Variants in NCAM2 observed in about 807,000 individuals in gnomAD.
NCAM2 encodes the protein neural cell adhesion molecule 2.
A neutral mutation model predicts 98.1 loss-of-function variants in NCAM2; 30 were observed. That is an observed-to-expected ratio of 0.31 (90% CI 0.23 to 0.41). The LOEUF is 0.41. NCAM2 is among the 10% of genes least tolerant of loss of function. NCAM2 has a pLI of 1.00. For missense variants in NCAM2, 867 were observed against 1,005.8 expected (o/e 0.86, Z 1.87); for synonymous variants, 368 against 342.4 (o/e 1.07, Z -0.83).
intron 12 of NCAM2, among the ~76,000 whole-genome samples, chr21:21,444,902 C>G (rs1368379547): frequency 6.6e-6 from 1 of 152,086 alleles, no homozygotes; most frequent in Non-Finnish European, 1.5e-5. Flanking sequence ...TCTTGCTTCT[C>G]TAGCTCTTTT....
At chr21:21,182,252 T>G (rs1351180689) in intron 1 of NCAM2, among the ~76,000 whole-genome samples, 1 of 152,162 alleles carries the variant, frequency 6.6e-6, no homozygotes, top group Non-Finnish European at 1.5e-5. Context: ...AGAGTATTAT[T>G]TAGTAACTTT....
chr21:21,105,578 C>CA (rs764443996), intron 1 of NCAM2, among the ~76,000 whole-genome samples: 16 of 150,966 alleles, frequency 1.1e-4, no homozygotes, highest in East Asian at 7.8e-4. Context: ...TTACTAATGG[C>CA]AAAAAAAATG....
At chr21:21,322,300 A>G (rs143985961) in intron 5 of NCAM2, among the ~76,000 whole-genome samples, 25 of 152,258 alleles carry the variant, frequency 1.6e-4, no homozygotes, top group African/African-American at 6.0e-4. Context: ...GAGGACTACT[A>G]GAGAAGGGAA....
chr21:21,514,472 C>CAA (rs56710788), intron 16 of NCAM2, among the ~76,000 whole-genome samples: 5 of 127,730 alleles, frequency 3.9e-5, no homozygotes, highest in African/African-American at 1.2e-4. Flanking sequence ...TCTCAAAAAA[C>CAA]AAAAAAAAAA....
chr21:21,338,309 T>G, intron 7 of NCAM2, 80 bp from the exon 8 acceptor site: 1 of 1,326,856 alleles, frequency 7.5e-7, no homozygotes, highest in Non-Finnish European at 1.1e-6. Context: ...TATAGTAGAC[T>G]TAAACACCCA....
chr21:21,088,010 T>C (rs1226345161), intron 1 of NCAM2, among the ~76,000 whole-genome samples: 1 of 152,180 alleles, frequency 6.6e-6, no homozygotes, highest in Non-Finnish European at 1.5e-5. Flanking sequence ...CACCTTGAAA[T>C]AAATATTTTC....
At chr21:21,444,113 C>G (rs1979727365) in intron 12 of NCAM2, among the ~76,000 whole-genome samples, 1 of 152,008 alleles carries the variant, frequency 6.6e-6, no homozygotes, top group Admixed American at 6.6e-5. Context: ...GTCAATGGTT[C>G]TGCTTATGTG....
At chr21:21,210,967 AACACAC>A (rs71195310) in intron 1 of NCAM2, among the ~76,000 whole-genome samples, 1,580 of 127,320 alleles carry the variant, frequency 0.012, 37 homozygotes, top group African/African-American at 0.046. Context: ...ACTCTCCCCA[AACACAC>A]ACACACACAC....
intron 1 of NCAM2, among the ~76,000 whole-genome samples, chr21:21,022,150 A>G (rs1466631642): frequency 3.3e-5 from 5 of 152,032 alleles, no homozygotes; most frequent in African/African-American, 1.2e-4. Context: ...GTGCCCTTTT[A>G]TCTAATTAGA....
Position 21,520,100 on chromosome 21 carries a change from T to C in NCAM2, c.2282+11045T>C, listed in dbSNP as rs551423928. On this transcript the variant is annotated intron_variant, in intron 16 of 17. Coordinates refer to ENST00000400546, the MANE Select transcript of NCAM2 (RefSeq NM_004540.5). ...GACTAATAATACTTTTTAATCAAAT[T>C]ATCTTTTTACTGTTATTTACTCAAG... 2.0e-4 allele frequency among the ~76,000 whole-genome samples: 30 copies of C among 152,190 alleles called. No homozygotes were observed. The South Asian group carries it at 6.0e-3, about 30-fold the overall frequency.
At chr21:21,496,415 T>G (rs544603026) in intron 15 of NCAM2, among the ~76,000 whole-genome samples, 102 of 152,248 alleles carry the variant, frequency 6.7e-4, no homozygotes, top group Non-Finnish European at 1.3e-3. Context: ...TATATCTTCT[T>G]TTTGAGAAGC....
chr21:21,161,217 A>T (rs1176781724), intron 1 of NCAM2, among the ~76,000 whole-genome samples: 1 of 152,054 alleles, frequency 6.6e-6, no homozygotes, highest in Non-Finnish European at 1.5e-5. Context: ...TTAAGACAGA[A>T]TGAAGATTAG....
At chr21:21,118,848 C>T (rs1193183452) in intron 1 of NCAM2, among the ~76,000 whole-genome samples, 1 of 152,068 alleles carries the variant, frequency 6.6e-6, no homozygotes, top group African/African-American at 2.4e-5. Flanking sequence ...GAAGATAAAC[C>T]TCCCTCTCCC....
At chr21:21,498,161 T>C (rs1332769376) in intron 15 of NCAM2, among the ~76,000 whole-genome samples, 1 of 152,162 alleles carries the variant, frequency 6.6e-6, no homozygotes, top group Non-Finnish European at 1.5e-5. Flanking sequence ...TTGTGTGTGA[T>C]TCTAAAAATT....
At chr21:21,038,098 T>TAA (rs2064833616) in intron 1 of NCAM2, among the ~76,000 whole-genome samples, 1 of 146,660 alleles carries the variant, frequency 6.8e-6, no homozygotes, top group Admixed American at 7.1e-5. Flanking sequence ...TTACCTTGAG[T>TAA]TGCTTCTGTT....
intron 12 of NCAM2, among the ~76,000 whole-genome samples, chr21:21,449,653 T>A (rs1418138968): frequency 6.6e-6 from 1 of 152,060 alleles, no homozygotes; most frequent in Non-Finnish European, 1.5e-5. Context: ...AACTACTTAC[T>A]ATAAACATTA....
intron 1 of NCAM2, among the ~76,000 whole-genome samples, chr21:21,023,015 A>G (rs1026298006): frequency 2.0e-5 from 3 of 152,228 alleles, no homozygotes; most frequent in Non-Finnish European, 4.4e-5. Flanking sequence ...GTGAAAATAC[A>G]TATATGGTCA....
At chr21:21,414,185 TC>T (rs2076941145) in intron 10 of NCAM2, among the ~76,000 whole-genome samples, 1 of 152,162 alleles carries the variant, frequency 6.6e-6, no homozygotes, top group Non-Finnish European at 1.5e-5. Flanking sequence ...TTCTTCAGGC[TC>T]CATTTCTAAT....
At chr21:21,014,574 G>A (rs1326698016) in intron 1 of NCAM2, among the ~76,000 whole-genome samples, 1 of 152,100 alleles carries the variant, frequency 6.6e-6, no homozygotes, top group African/African-American at 2.4e-5. Flanking sequence ...AAAGAAAAAA[G>A]TTCCCTTCAA....
Sources: gnomAD v4.1 joint callset for allele counts (sites outside exome capture counted in the v4.1 genomes callset) on GRCh38, gnomAD v4.1.1 for gene constraint, MANE v1.5 for transcripts, NCBI Gene and HGNC (gene_info 2026-07-23, HGNC 2026-07-21) for gene names.